HLA-DRB1: variants seen among roughly 807,000 people sequenced by gnomAD.
HLA-DRB1 encodes the protein major histocompatibility complex, class II, DR beta 1.
A neutral mutation model predicts 27.9 loss-of-function variants in HLA-DRB1; 10 were observed. The observed-to-expected ratio is 0.36, with a 90% CI of 0.22 to 0.61. The LOEUF is 0.61. Among genes scored for constraint, HLA-DRB1 ranks in the 20% least tolerant of loss-of-function variants. The probability of loss-of-function intolerance (pLI) is 0.73; values close to 1 mark genes in which losing one functional copy is unlikely to be tolerated. For missense variants in HLA-DRB1, 118 were observed against 306.3 expected, an observed-to-expected ratio of 0.39 and a Z score of 4.59; for synonymous variants, 57 against 126.7, an observed-to-expected ratio of 0.45 and a Z score of 3.69.
Position 32,581,625 on chromosome 6 carries a change from C to G in HLA-DRB1, c.584G>C (p.Arg195Pro). 8.4e-6 allele frequency: 10 copies of G among 1,186,484 alleles called. 1 individual carries two copies. The highest frequency in any genetic ancestry group is 1.1e-5 in the Non-Finnish European group (10 of 877,844). The allele number at this position is 1,186,484 out of a possible 1,614,324, so 73.5% of individuals were successfully genotyped here. Residue 195 changes from arginine to proline, a missense_variant, in exon 3 of 6, where the codon CGA becomes CCA. Arg to Pro is a moderately radical substitution (Grantham distance 103). Around this residue, in one of 5 missense-constraint regions of HLA-DRB1, gnomAD observed 24 missense variants for 114.5 expected, o/e 0.21. Coordinates refer to ENST00000360004, the Ensembl canonical transcript of HLA-DRB1. ...TTGGCAGGTGTAAACCTCTCCACTT[C>G]GAGGAACTGTTTCCAGCATCACCAG...
At chr6:32,589,513 A>AT (rs9281897) in intron 1 of HLA-DRB1, 130 bp downstream of exon 1, 7,046 of 284,232 alleles carry the variant, frequency 0.025, 26 homozygotes, top group African/African-American at 0.082. Context: ...TTTGGGATCC[A>AT]ATGATAAAGA....
chr6:32,585,225 T>C lies in HLA-DRB1; in HGVS notation c.101-847A>G, dbSNP rs1418597299. Among the ~76,000 whole-genome samples, 2 of 88,406 alleles carry C rather than the reference T, an allele frequency of 2.3e-5. 1 individual carries two copies. The highest frequency in any genetic ancestry group is 4.5e-5 in the Non-Finnish European group (2 of 44,558). 58.0% of individuals were successfully genotyped at this position (88,406 alleles called of 152,430 possible). On this transcript the variant is annotated intron_variant, in intron 1 of 5. Coordinates refer to ENST00000360004, the Ensembl canonical transcript of HLA-DRB1. ...TACATCAGAACTAGCAGCCCTTGCA[T>C]TTCTGTCCCCACTCTAAGAAACAGC...
intron 2 of HLA-DRB1, among the ~76,000 whole-genome samples, chr6:32,583,084 A>G (rs1260896686): frequency 9.2e-6 from 1 of 108,812 alleles, no homozygotes; most frequent in Admixed American, 1.0e-4. Context: ...ATAATCTTAT[A>G]GTACAAAGAA....
Position 32,584,243 on chromosome 6 carries a change from A to C in HLA-DRB1, c.236T>G (p.Val79Gly), listed in dbSNP as rs17885908. The C allele has an allele frequency of 2.6e-6, 4 of 1,515,476 alleles. 1 individual carries two copies. The highest frequency in any genetic ancestry group is 3.0e-5 in the African/African-American group (2 of 67,496). The allele number at this position is 1,515,476 out of a possible 1,614,324, so 93.9% of individuals were successfully genotyped here. A position where few individuals can be genotyped will look rare whatever the true frequency, so the allele number is the denominator to read the frequency against. ...AGCGTCAGGCCGCCCCAGCTCCGTC[A>C]CCGCCCGGAACTCCCCCACGTCGCT... is the stretch of plus-strand genomic sequence containing the variant. The change falls in exon 2 of 6, where the codon GTG (valine) becomes GGG (glycine). Residue 79 changes from valine (V) to glycine (G), a missense_variant. Physicochemically the swap from Val to Gly is moderately radical, Grantham distance 109 (BLOSUM62 -3). Coordinates refer to ENST00000360004, the Ensembl canonical transcript of HLA-DRB1.
At chr6:32,586,066 TGGCTGTGTTAAATATTGGC>T (rs1776338046) in intron 1 of HLA-DRB1, among the ~76,000 whole-genome samples, 1 of 96,722 alleles carries the variant, frequency 1.0e-5, no homozygotes, top group Non-Finnish European at 2.2e-5. Flanking sequence ...TGTGAAATAC[TGGCTGTGTTAAATATTGGC>T]TGTGTGACAT....
At chr6:32,588,544 C>T (rs41288864) in intron 1 of HLA-DRB1, among the ~76,000 whole-genome samples, 272 of 54,210 alleles carry the variant, frequency 5.0e-3, no homozygotes, top group Middle Eastern at 0.017. Context: ...GACAACATAG[C>T]TGGGGAAAAA....
intron 1 of HLA-DRB1, among the ~76,000 whole-genome samples, chr6:32,586,023 G>C (rs542801935): frequency 8.6e-6 from 1 of 116,438 alleles, no homozygotes; most frequent in Non-Finnish European, 1.8e-5. Flanking sequence ...AGTAATAACT[G>C]GTATATGCTA....
chr6:32,587,612 A>G (rs9270154), intron 1 of HLA-DRB1, among the ~76,000 whole-genome samples: 7 of 74,526 alleles, frequency 9.4e-5, no homozygotes, highest in Admixed American at 3.1e-4. Context: ...TCTCCCTGGA[A>G]CTTTCATCCC....
chr6:32,588,307 T>G (rs1344773057), intron 1 of HLA-DRB1, among the ~76,000 whole-genome samples: 3 of 140,134 alleles, frequency 2.1e-5, no homozygotes, highest in Non-Finnish European at 4.7e-5. Flanking sequence ...ATTACAAAAA[T>G]TAGCTGGGCG....
At position 32,588,714 on chromosome 6, in the gene HLA-DRB1, A is replaced by G. The variant is rs28724206; in HGVS notation, c.100+929T>C. ...CCTATGAGACGTGAACAATGTTCACATCATCTCGGTAACCCCACACAGAGT... is the reference window on the plus strand; with the variant it reads ...CCTATGAGACGTGAACAATGTTCACGTCATCTCGGTAACCCCACACAGAGT... On this transcript the variant is annotated intron_variant, in intron 1 of 5. Coordinates refer to ENST00000360004, the Ensembl canonical transcript of HLA-DRB1. Among the ~76,000 whole-genome samples the G allele has an allele frequency of 3.1e-5, 2 of 64,464 alleles. 1 individual carries two copies. The highest frequency in any genetic ancestry group is 1.2e-3 in the East Asian group (2 of 1,714). The allele number at this position is 64,464 out of a possible 152,430, so 42.3% of individuals were successfully genotyped here.
intron 1 of HLA-DRB1, among the ~76,000 whole-genome samples, chr6:32,588,182 ACAGTGTCT>A (rs1776791200): frequency 7.4e-6 from 1 of 134,720 alleles, no homozygotes; most frequent in African/African-American, 2.7e-5. Flanking sequence ...TTGCCTGGGC[ACAGTGTCT>A]CACATCTATA....
rs555426657 is a variant in HLA-DRB1, at chr6:32,579,870, G to A, written c.787+377C>T. Among the ~76,000 whole-genome samples the A allele has an allele frequency of 2.4e-4, 8 of 33,806 alleles. 4 individuals are homozygous for A. In the South Asian group the frequency reaches 2.8e-3, roughly 12 times the overall value. The allele number at this position is 33,806 out of a possible 152,430, so 22.2% of individuals were successfully genotyped here. On this transcript the variant is annotated intron_variant, in intron 5 of 5. Coordinates refer to ENST00000360004, the Ensembl canonical transcript of HLA-DRB1. ...TGTAATCCCAGCACTTTGGGAGGCC[G>A]AGGCGGGCGGATCACGAGGTCAGGA...
At chr6:32,578,913 G>T in exon 6 of HLA-DRB1, 1 of 488,850 alleles carries the variant, frequency 2.0e-6, no homozygotes, top group Admixed American at 3.4e-5. Context: ...TGGGACTTCA[G>T]GCCAAGGGCA....
At position 32,579,908 on chromosome 6, in the gene HLA-DRB1, C is replaced by A. The variant is rs1285596678; in HGVS notation, c.787+339G>T. ...CACGAGGTCAGGAGATCGAGACCAT[C>A]CTGGCTAAAACGGTGAAACCCCGTC... On this transcript the variant is annotated intron_variant, in intron 5 of 5. Transcript: ENST00000360004. Among the ~76,000 whole-genome samples the A allele has an allele frequency of 6.1e-5, 2 of 32,928 alleles. 1 individual carries two copies. Among genetic ancestry groups the A allele is most frequent in the Non-Finnish European group, 1.2e-4 (2 of 16,152 alleles). 21.6% of individuals were successfully genotyped at this position (32,928 alleles called of 152,430 possible).
At chr6:32,588,147 A>ACT (rs1554130344) in intron 1 of HLA-DRB1, among the ~76,000 whole-genome samples, 3 of 122,046 alleles carry the variant, frequency 2.5e-5, no homozygotes, top group African/African-American at 6.2e-5. Flanking sequence ...GAAAAAGGAA[A>ACT]TTTTTTTATT....
At chr6:32,585,403 G>T (rs112345165) in intron 1 of HLA-DRB1, among the ~76,000 whole-genome samples, 30,898 of 124,492 alleles carry the variant, frequency 0.25, 4,808 homozygotes, top group Admixed American at 0.3. Context: ...CCAACCATAA[G>T]CCTTTTTGTA....
chr6:32,580,721 GA>G (rs1775313830), intron 4 of HLA-DRB1, 24 bp downstream of exon 4: 3 of 1,352,608 alleles, frequency 2.2e-6, no homozygotes, highest in African/African-American at 1.6e-5. Flanking sequence ...CCTATGGAGA[GA>G]GCCAGCTCCC....
chr6:32,581,173 C>T (rs35539407), intron 3 of HLA-DRB1, among the ~76,000 whole-genome samples: 11,932 of 78,894 alleles, frequency 0.15, 2,614 homozygotes, highest in Non-Finnish European at 0.17. Flanking sequence ...TGAGATTGGA[C>T]TCCCCTCATG....
chr6:32,584,179 C>A, exon 2 of HLA-DRB1: 2 of 1,231,728 alleles, frequency 1.6e-6, no homozygotes, highest in Non-Finnish European at 2.2e-6. Context: ...CCGCGGCCCG[C>A]GCCTGCTCCA....
Sources: gnomAD v4.1 joint callset for allele counts (sites outside exome capture counted in the v4.1 genomes callset) on GRCh38, gnomAD v4.1.1 for gene constraint, gnomAD v4.1.1 regional missense constraint, MANE v1.5 for transcripts, NCBI Gene and HGNC (gene_info 2026-07-23, HGNC 2026-07-21) for gene names.